REEP6: variants seen among roughly 807,000 people sequenced by gnomAD.
REEP6 encodes receptor expression-enhancing protein 6.
Under a neutral mutation model 22.4 loss-of-function variants are expected in REEP6, and 19 were observed. That is an observed-to-expected ratio of 0.85 (90% CI 0.59 to 1.25). The LOEUF (loss-of-function observed/expected upper bound fraction) is 1.25, where lower values mean the gene tolerates loss of function less well. Among genes scored for constraint, REEP6 ranks in the 50% most tolerant of loss-of-function variants. The pLI is 0.00. For missense variants in REEP6, 273 were observed against 251.9 expected (o/e 1.08, Z -0.57); for synonymous variants, 121 against 113.6 (o/e 1.06, Z -0.41).
At chr19:1,494,056 G>A (rs1477606131) in intron 1 of REEP6, among the ~76,000 whole-genome samples, 5 of 152,272 alleles carry the variant, frequency 3.3e-5, no homozygotes, top group East Asian at 1.9e-4. Context: ...CAGCCTGGGT[G>A]ACAGAGCAAG....
At position 1,495,550 on chromosome 19, in the gene REEP6, G is replaced by A; in HGVS notation, c.291G>A (p.Leu97=). 6.2e-7 allele frequency: 1 copy of A among 1,614,092 alleles called. No individual in the cohort carries two copies. The highest frequency in any genetic ancestry group is 8.5e-7 in the Non-Finnish European group (1 of 1,180,016). The change falls in exon 3 of 5, where the codon CTG becomes CTA. Residue 97 remains leucine, a synonymous_variant. Transcript: ENST00000233596. ...GGGTGGTGTACGCCCTGTTTGGGCT[G>A]GCCGAGTTCTTCAGCGATCTACTCC... ...TYWVVYALFG[L]AEFFSDLLLS...
rs187419743 is a variant in REEP6 at position 1,495,530 on chromosome 19, G to A, written c.271G>A (p.Val91Met). ...DDTVWLTYWVVYALFGLAEFF... is the reference protein window; with the variant it reads ...DDTVWLTYWVMYALFGLAEFF... The stretch of plus-strand genomic sequence containing the variant: ...CACTGTGTGGCTCACCTACTGGGTG[G>A]TGTACGCCCTGTTTGGGCTGGCCGA... The change falls in exon 3 of 5, where the codon GTG (valine) becomes ATG (methionine). Residue 91 changes from valine to methionine, a missense_variant. Val to Met is a conservative substitution (Grantham distance 21). Transcript: ENST00000233596. 4 of 1,614,108 alleles carry A rather than the reference G, an allele frequency of 2.5e-6. No individual in the cohort carries two copies. In the African/African-American group the frequency reaches 4.0e-5, roughly 16 times the overall value.
chr19:1,495,279 G>T lies in REEP6; in HGVS notation c.116-15G>T, dbSNP rs374949099. On this transcript the variant is annotated splice_polypyrimidine_tract_variant and intron_variant, in intron 1 of 4. Coordinates refer to ENST00000233596, the MANE Select transcript of REEP6 (RefSeq NM_138393.4). The stretch of plus-strand genomic sequence containing the variant: ...GGGTCCCCAGCCCTGGCACACCACC[G>T]CCTCTCTCCGGCAGGAGCCGTCACT... The T allele has an allele frequency of 3.1e-6, 5 of 1,610,158 alleles. No individual in the cohort carries two copies. Among genetic ancestry groups the T allele is most frequent in the Non-Finnish European group, 3.4e-6 (4 of 1,179,662 alleles).
At position 1,497,429 on chromosome 19, in the gene REEP6, G is replaced by A. The variant is rs1282795489; in HGVS notation, c.*218G>A. ...CCAGCTCTGGATCCCAGGGCCAGCT[G>A]CCCTCTGGCTCTGGCTGTGGCTCCC... On this transcript the variant is annotated 3_prime_UTR_variant, in exon 5 of 5. Transcript: ENST00000233596. This position sits in a 1 kb window ranked among gnomAD's most constrained non-coding sequence, Gnocchi z 6.5. The A allele has an allele frequency of 1.4e-6, 1 of 710,998 alleles. No homozygotes were observed. The highest frequency in any genetic ancestry group is 2.6e-6 in the Non-Finnish European group (1 of 382,548). The allele number at this position is 710,998 out of a possible 1,614,324, so 44.0% of individuals were successfully genotyped here. A position where few individuals can be genotyped will look rare whatever the true frequency, so the allele number is the denominator to read the frequency against.
At chr19:1,492,736 T>TCC (rs57269910) in intron 1 of REEP6, among the ~76,000 whole-genome samples, 14,428 of 151,858 alleles carry the variant, frequency 0.095, 1,038 homozygotes, top group African/African-American at 0.2. Flanking sequence ...GGAGTCCAGT[T>TCC]CCCCCCCAAT....
chr19:1,492,788 A>T (rs1799637103), intron 1 of REEP6, among the ~76,000 whole-genome samples: 1 of 152,144 alleles, frequency 6.6e-6, no homozygotes, highest in Non-Finnish European at 1.5e-5. Flanking sequence ...CAGCGCCAGA[A>T]CAGTCTGAAG....
chr19:1,493,759 G>A (rs540438725), intron 1 of REEP6, among the ~76,000 whole-genome samples: 3 of 81,016 alleles, frequency 3.7e-5, no homozygotes, highest in African/African-American at 8.6e-5. Context: ...CCTCCTTGCT[G>A]GGACTGTGTT....
At chr19:1,494,451 C>T (rs1044905328) in intron 1 of REEP6, among the ~76,000 whole-genome samples, 1 of 152,158 alleles carries the variant, frequency 6.6e-6, no homozygotes, top group African/African-American at 2.4e-5. Flanking sequence ...CCAGGACAGC[C>T]ACTTCCCCCT....
At position 1,495,361 on chromosome 19, in the gene REEP6, C is replaced by T. The variant is rs780595973; in HGVS notation, c.183C>T (p.Ile61=). 10 of 1,613,802 alleles carry T rather than the reference C, an allele frequency of 6.2e-6. No homozygotes were observed. Among genetic ancestry groups the T allele is most frequent in the South Asian group, 3.3e-5 (3 of 91,090 alleles). ...GAGCGTCTCTGCTGTGCAATCTCAT[C>T]GGATTTGTGTACCCCGCATATGCCT... ...GYGASLLCNL[I]GFVYPAYASI... The change falls in exon 2 of 5, where the codon ATC becomes ATT. Residue 61 remains isoleucine (I), a synonymous_variant. Coordinates refer to ENST00000233596, the MANE Select transcript of REEP6 (RefSeq NM_138393.4).
In REEP6 at chr19:1,497,483, TCGG is replaced by T; in HGVS notation, c.*273_*275del. 1.4e-6 allele frequency: 1 copy of T among 691,766 alleles called. No homozygotes were observed. 42.9% of individuals were successfully genotyped at this position (691,766 alleles called of 1,614,324 possible). A position where few individuals can be genotyped will look rare whatever the true frequency, so the allele number is the denominator to read the frequency against. On this transcript the variant is annotated 3_prime_UTR_variant, in exon 5 of 5. Coordinates refer to ENST00000233596, the MANE Select transcript of REEP6 (RefSeq NM_138393.4). The surrounding 1 kb of genome is among the most constrained non-coding windows in gnomAD (Gnocchi z 6.5). ...TGTCCGGCAGGGCCCAGGGCCAGCG[TCGG>T]GCACAGGGCAGCTCCCACTGGTCTC... is the stretch of plus-strand genomic sequence containing the variant.
chr19:1,497,841 C>T lies in REEP6; in HGVS notation c.*630C>T, dbSNP rs1160175480. 2.1e-6 allele frequency: 1 copy of T among 470,682 alleles called. No homozygotes were observed. The highest frequency in any genetic ancestry group is 4.4e-6 in the Non-Finnish European group (1 of 226,898). The allele number at this position is 470,682 out of a possible 1,614,324, so 29.2% of individuals were successfully genotyped here. A position where few individuals can be genotyped will look rare whatever the true frequency, so the allele number is the denominator to read the frequency against. On this transcript the variant is annotated 3_prime_UTR_variant, in exon 5 of 5. Coordinates refer to ENST00000233596, the MANE Select transcript of REEP6 (RefSeq NM_138393.4). The surrounding 1 kb of genome is among the most constrained non-coding windows in gnomAD (Gnocchi z 6.5). ...CACCGAGATCACCTGCAGCTGGCCA[C>T]ACCACAGGCCCCCGTGCCTGCAGCA...
In REEP6 at chr19:1,491,917, C is replaced by A. The variant is rs2084952890; in HGVS notation, c.115+533C>A. 6.6e-6 allele frequency among the ~76,000 whole-genome samples: 1 copy of A among 152,138 alleles called. No individual in the cohort carries two copies. The highest frequency in any genetic ancestry group is 1.5e-5 in the Non-Finnish European group (1 of 68,020). On this transcript the variant is annotated intron_variant, in intron 1 of 4. Transcript: ENST00000233596. The surrounding 1 kb of genome is among the most constrained non-coding windows in gnomAD (Gnocchi z 5.4). ...CACCGAGCGTAAATGTTTGTTAAGA[C>A]GGAGTTGGGTTGTCTGACGGCTGTG... is the stretch of plus-strand genomic sequence containing the variant.
rs994140211 is a variant in REEP6 at position 1,495,300 on chromosome 19, T to C, written c.122T>C (p.Val41Ala). Reference sequence around the variant, plus strand: ...CACCGCCTCTCTCCGGCAGGAGCCGTCACTCTGCTAAGCCTGTATCTGCTG... The same window carrying C: ...CACCGCCTCTCTCCGGCAGGAGCCGCCACTCTGCTAAGCCTGTATCTGCTG... ...VEKRYLAAGA[V>A]TLLSLYLLFG... is the part of the protein sequence containing the mutation. The change falls in exon 2 of 5, where the codon GTC becomes GCC. Residue 41 changes from valine to alanine, a missense_variant. Val to Ala is a moderately conservative substitution (Grantham distance 64). Transcript: ENST00000233596. 6.2e-7 allele frequency: 1 copy of C among 1,612,520 alleles called. No homozygotes were observed.
chr19:1,494,748 G>A (rs1431252150), intron 1 of REEP6, among the ~76,000 whole-genome samples: 1 of 151,940 alleles, frequency 6.6e-6, no homozygotes, highest in Non-Finnish European at 1.5e-5. Flanking sequence ...GCAACGGCGC[G>A]ATCTTGGCTC....
chr19:1,496,303 T>C lies in REEP6; in HGVS notation c.367T>C (p.Cys123Arg), dbSNP rs1341620671. ...CCTGCAGTGCGCCTTCCTGTTGTTC[T>C]GCATGGCTCCCAGGCCCTGGAACGG... is the stretch of plus-strand genomic sequence containing the variant. ...YVGKCAFLLF[C>R]MAPRPWNGAL... The change falls in exon 4 of 5, where the codon TGC becomes CGC. Residue 123 changes from cysteine (C) to arginine (R), a missense_variant. Physicochemically the swap from Cys to Arg is radical, Grantham distance 180 (BLOSUM62 -3). Coordinates refer to ENST00000233596, the MANE Select transcript of REEP6 (RefSeq NM_138393.4). 2 of 1,609,886 alleles carry C rather than the reference T, an allele frequency of 1.2e-6. No individual in the cohort carries two copies. The highest frequency in any genetic ancestry group is 1.7e-6 in the Non-Finnish European group (2 of 1,178,296).
At chr19:1,494,739 C>CA (rs1007816630) in intron 1 of REEP6, among the ~76,000 whole-genome samples, 1 of 152,054 alleles carries the variant, frequency 6.6e-6, no homozygotes, top group Non-Finnish European at 1.5e-5. Context: ...GGCTGGAGTG[C>CA]AACGGCGCGA....
chr19:1,493,167 C>T (rs1213946831), intron 1 of REEP6, among the ~76,000 whole-genome samples: 1 of 152,058 alleles, frequency 6.6e-6, no homozygotes, highest in Non-Finnish European at 1.5e-5. Context: ...AGGTCATCCT[C>T]CCGTCGCTGA....
In REEP6 at chr19:1,495,289, G is replaced by A. The variant is rs749443225; in HGVS notation, c.116-5G>A. 13 of 1,611,454 alleles carry A rather than the reference G, an allele frequency of 8.1e-6. No individual in the cohort carries two copies. Among genetic ancestry groups the A allele is most frequent in the South Asian group, 2.2e-5 (2 of 91,060 alleles). On this transcript the variant is annotated splice_region_variant and splice_polypyrimidine_tract_variant and intron_variant, in intron 1 of 4. Coordinates refer to ENST00000233596, the MANE Select transcript of REEP6 (RefSeq NM_138393.4). ...CCCTGGCACACCACCGCCTCTCTCCGGCAGGAGCCGTCACTCTGCTAAGCC... is the reference window on the plus strand; with the variant it reads ...CCCTGGCACACCACCGCCTCTCTCCAGCAGGAGCCGTCACTCTGCTAAGCC...
rs779919665 is a variant in REEP6, at chr19:1,491,328, A to T, written c.59A>T (p.Glu20Val). ...HFLEQRNLVTEVLGALEAKTG... is the reference protein window; with the variant it reads ...HFLEQRNLVTVVLGALEAKTG... ...CTGGAGCAAAGGAACCTGGTCACCG[A>T]AGTGCTGGGGGCGCTGGAGGCCAAG... is the stretch of plus-strand genomic sequence containing the variant. The change falls in exon 1 of 5, where the codon GAA becomes GTA. Residue 20 changes from glutamate (E) to valine (V), a missense_variant. Transcript: ENST00000233596. This position sits in a 1 kb window ranked among gnomAD's most constrained non-coding sequence, Gnocchi z 5.4. The T allele has an allele frequency of 1.4e-6, 2 of 1,479,512 alleles. No homozygotes were observed. The highest frequency in any genetic ancestry group is 9.0e-7 in the Non-Finnish European group (1 of 1,116,106). The allele number at this position is 1,479,512 out of a possible 1,614,324, so 91.6% of individuals were successfully genotyped here.
Sources: gnomAD v4.1 joint callset for allele counts (sites outside exome capture counted in the v4.1 genomes callset) on GRCh38, gnomAD v4.1.1 for gene constraint, Gnocchi (gnomAD v3.1) non-coding constraint, MANE v1.5 for transcripts, NCBI Gene and HGNC (gene_info 2026-07-23, HGNC 2026-07-21) for gene names.